ABLIM2: variants seen among roughly 807,000 people sequenced by gnomAD.
ABLIM2 encodes the protein actin-binding LIM protein 2.
A neutral mutation model predicts 97.7 loss-of-function variants in ABLIM2; 53 were observed. The ratio of observed to expected loss-of-function variants is 0.54; its 90% CI spans 0.44 to 0.68. The LOEUF (loss-of-function observed/expected upper bound fraction) is 0.68. Among genes scored for constraint, ABLIM2 ranks in the 30% least tolerant of loss-of-function variants. The pLI is 0.00. For missense variants in ABLIM2, 835 were observed against 867.2 expected (o/e 0.96, Z 0.47); for synonymous variants, 361 against 345.8 (o/e 1.04, Z -0.49).
intron 2 of ABLIM2, among the ~76,000 whole-genome samples, chr4:8,098,910 A>C (rs921625679): frequency 6.6e-6 from 1 of 152,202 alleles, no homozygotes. Flanking sequence ...ATTCTGTCTC[A>C]AGGTAAAAAT....
chr4:8,158,205 G>C (rs1315221381), intron 1 of ABLIM2, among the ~76,000 whole-genome samples: 1 of 152,228 alleles, frequency 6.6e-6, no homozygotes, highest in Non-Finnish European at 1.5e-5. Context: ...GGGCGCCGAG[G>C]GTCGGCCTGA....
intron 6 of ABLIM2, chr4:8,066,528 G>C (rs1302792472): frequency 3.3e-5 from 5 of 152,196 alleles, no homozygotes; most frequent in African/African-American, 1.2e-4. Context: ...CATCGTGGAT[G>C]AAGAAATAGT....
Position 8,072,722 on chromosome 4 carries a change from T to A in ABLIM2, c.675+4906A>T, listed in dbSNP as rs1168165703. Among the ~76,000 whole-genome samples, 1 of 151,900 alleles carries A rather than the reference T, an allele frequency of 6.6e-6. No individual in the cohort carries two copies. Among genetic ancestry groups the A allele is most frequent in the African/African-American group, 2.4e-5 (1 of 41,332 alleles). ...GGGTGGATCCAGCTGGACGCCCAGG[T>A]GAGTGGTGGGAGGCAGTGTGTATGT... On this transcript the variant is annotated intron_variant, in intron 6 of 20. Coordinates refer to ENST00000447017, the MANE Select transcript of ABLIM2 (RefSeq NM_001130083.2). The surrounding 1 kb of genome is among the most constrained non-coding windows in gnomAD (Gnocchi z 5.8).
chr4:7,988,156 G>A (rs1473605742), intron 17 of ABLIM2, among the ~76,000 whole-genome samples: 3 of 152,118 alleles, frequency 2.0e-5, no homozygotes, highest in Admixed American at 1.3e-4. Context: ...CTGAGTAGCT[G>A]GGATTACAGG....
Position 7,977,790 on chromosome 4 carries a change from CAATA to C in ABLIM2, c.1824+5470_1824+5473del, listed in dbSNP as rs10660218. On this transcript the variant is annotated intron_variant, in intron 20 of 20. Coordinates refer to ENST00000447017, the MANE Select transcript of ABLIM2 (RefSeq NM_001130083.2). ...TGGGAGACTGAGGGAGACTCTGTCT[CAATA>C]AATAAATAAATAAATAAATAAATAA... Among the ~76,000 whole-genome samples, 1,208 of 142,278 alleles carry C rather than the reference CAATA, an allele frequency of 8.5e-3. 20 individuals are homozygous for C. The highest frequency in any genetic ancestry group is 0.028 in the African/African-American group (1,084 of 38,114). 93.3% of individuals were successfully genotyped at this position (142,278 alleles called of 152,430 possible). A position where few individuals can be genotyped will look rare whatever the true frequency, so the allele number is the denominator to read the frequency against.
At chr4:8,136,686 G>A (rs1445197562) in intron 1 of ABLIM2, among the ~76,000 whole-genome samples, 2 of 152,218 alleles carry the variant, frequency 1.3e-5, no homozygotes, top group African/African-American at 2.4e-5. Flanking sequence ...GAGTCATGCC[G>A]ACAAGGCCGA....
At chr4:8,045,960 C>T (rs1355402819) in intron 8 of ABLIM2, among the ~76,000 whole-genome samples, 1 of 152,146 alleles carries the variant, frequency 6.6e-6, no homozygotes, top group Non-Finnish European at 1.5e-5. Flanking sequence ...GTCCTCCATG[C>T]CCTCTGACCC....
In ABLIM2 at chr4:8,034,273, G is replaced by A. The variant is rs902705444; in HGVS notation, c.1047+1876C>T. ...GTACAGGTGGGTGCAGTGGGTGGGT[G>A]CAGGTGAGTGCAGGTAGATGGGTGT... On this transcript the variant is annotated intron_variant, in intron 10 of 20. Transcript: ENST00000447017. Among the ~76,000 whole-genome samples the A allele has an allele frequency of 2.6e-5, 4 of 151,330 alleles. No homozygotes were observed. The East Asian group carries it at 7.9e-4, about 30-fold the overall frequency.
rs575851819 is a variant in ABLIM2, at chr4:8,046,595, C to A, written c.823-1354G>T. 5.9e-5 allele frequency among the ~76,000 whole-genome samples: 9 copies of A among 152,282 alleles called. No individual in the cohort carries two copies. The highest frequency in any genetic ancestry group is 8.8e-5 in the Non-Finnish European group (6 of 68,026). ...CCTCCTCTCATTTTCTGAGTAGACC[C>A]TTTTCTTGCCACCCCCAACAATTCT... On this transcript the variant is annotated intron_variant, in intron 8 of 20. Coordinates refer to ENST00000447017, the MANE Select transcript of ABLIM2 (RefSeq NM_001130083.2). The surrounding 1 kb of genome is among the most constrained non-coding windows in gnomAD (Gnocchi z 4.4).
At chr4:7,971,026 G>C (rs937445777) in intron 20 of ABLIM2, among the ~76,000 whole-genome samples, 3 of 152,088 alleles carry the variant, frequency 2.0e-5, no homozygotes, top group African/African-American at 7.2e-5. Flanking sequence ...GTCACATGAG[G>C]GGCTCTCCGC....
At position 8,002,610 on chromosome 4, in the gene ABLIM2, T is replaced by G. The variant is rs1757979800; in HGVS notation, c.1618+5449A>C. On this transcript the variant is annotated intron_variant, in intron 16 of 20. Transcript: ENST00000447017. The surrounding 1 kb of genome is among the most constrained non-coding windows in gnomAD (Gnocchi z 6.1). ...GGACCTCGGCCTGCTTCCACCAGCT[T>G]CTGGCGAGTCCCAGCTCCGCCACCC... is the stretch of plus-strand genomic sequence containing the variant. Among the ~76,000 whole-genome samples the G allele has an allele frequency of 6.6e-6, 1 of 152,140 alleles. No individual in the cohort carries two copies. The highest frequency in any genetic ancestry group is 2.1e-4 in the South Asian group (1 of 4,818).
chr4:8,025,926 C>A (rs1025837402), intron 12 of ABLIM2, among the ~76,000 whole-genome samples: 3 of 152,240 alleles, frequency 2.0e-5, no homozygotes, highest in Non-Finnish European at 4.4e-5. Flanking sequence ...CCCCCTGCCA[C>A]ACGACTGCCG....
chr4:8,017,355 C>T (rs1418352894), intron 14 of ABLIM2, among the ~76,000 whole-genome samples: 2 of 151,788 alleles, frequency 1.3e-5, no homozygotes, highest in African/African-American at 2.4e-5. Flanking sequence ...GGCGCAATCC[C>T]GGCTCACTGC....
intron 1 of ABLIM2, among the ~76,000 whole-genome samples, chr4:8,135,611 A>T (rs1370135652): frequency 1.3e-5 from 2 of 152,254 alleles, no homozygotes; most frequent in Non-Finnish European, 2.9e-5. Context: ...TGGTGCCTTC[A>T]TCTGGGACCT....
intron 2 of ABLIM2, among the ~76,000 whole-genome samples, chr4:8,104,933 C>T (rs1836517174): frequency 6.6e-6 from 1 of 152,192 alleles, no homozygotes; most frequent in Non-Finnish European, 1.5e-5. Flanking sequence ...ATGGGCAGCA[C>T]TGGAGACAGC....
intron 1 of ABLIM2, among the ~76,000 whole-genome samples, chr4:8,153,637 C>T (rs181995951): frequency 7.9e-5 from 12 of 152,338 alleles, no homozygotes; most frequent in Admixed American, 4.6e-4. Flanking sequence ...CCCCATCCCA[C>T]GCAGCAGATA....
At chr4:8,131,971 C>T (rs1306444012) in intron 1 of ABLIM2, among the ~76,000 whole-genome samples, 2 of 148,906 alleles carry the variant, frequency 1.3e-5, no homozygotes, top group Non-Finnish European at 3.0e-5. Context: ...CAGCCCGCAT[C>T]CCCTGCACGG....
At position 7,980,941 on chromosome 4, in the gene ABLIM2, A is replaced by ATTTTTTTT. The variant is rs1167615555; in HGVS notation, c.1824+2315_1824+2322dup. Among the ~76,000 whole-genome samples, 331 of 82,942 alleles carry ATTTTTTTT rather than the reference A, an allele frequency of 4.0e-3. 42 individuals are homozygous for ATTTTTTTT. The highest frequency in any genetic ancestry group is 7.9e-3 in the Middle Eastern group (1 of 126). 54.4% of individuals were successfully genotyped at this position (82,942 alleles called of 152,430 possible). A position where few individuals can be genotyped will look rare whatever the true frequency, so the allele number is the denominator to read the frequency against. On this transcript the variant is annotated intron_variant, in intron 20 of 20. Transcript: ENST00000447017. ...AGAACCATGGTCTCCACAACCCCTT[A>ATTTTTTTT]TTTTTTTTTTTTTTTTTTTTGAGAT...
At position 8,082,442 on chromosome 4, in the gene ABLIM2, G is replaced by A. The variant is rs948771423; in HGVS notation, c.455-1640C>T. On this transcript the variant is annotated intron_variant, in intron 4 of 20. Transcript: ENST00000447017. This position sits in a 1 kb window ranked among gnomAD's most constrained non-coding sequence, Gnocchi z 5.6. ...CCGGGTGAACAGTGAGCATCGGCGAGACCCCCTGTGGGCCTGCTGTGCGGT... is the reference window on the plus strand; with the variant it reads ...CCGGGTGAACAGTGAGCATCGGCGAAACCCCCTGTGGGCCTGCTGTGCGGT... Among the ~76,000 whole-genome samples the A allele has an allele frequency of 6.6e-6, 1 of 152,244 alleles. No homozygotes were observed. Among genetic ancestry groups the A allele is most frequent in the Non-Finnish European group, 1.5e-5 (1 of 68,044 alleles).
Sources: gnomAD v4.1 joint callset for allele counts (sites outside exome capture counted in the v4.1 genomes callset) on GRCh38, gnomAD v4.1.1 for gene constraint, Gnocchi (gnomAD v3.1) non-coding constraint, MANE v1.5 for transcripts, NCBI Gene and HGNC (gene_info 2026-07-23, HGNC 2026-07-21) for gene names.